Variants in PHC1 observed in about 807,000 individuals in gnomAD.
PHC1 encodes the protein polyhomeotic-like protein 1.
A neutral mutation model predicts 104.3 loss-of-function variants in PHC1; 12 were observed. The ratio of observed to expected loss-of-function variants is 0.12; its 90% CI spans 0.07 to 0.19. The LOEUF is 0.19. Among genes scored for constraint, PHC1 ranks in the 10% least tolerant of loss-of-function variants. The pLI is 1.00. For missense variants in PHC1, 671 were observed against 1,200.0 expected, an observed-to-expected ratio of 0.56 and a Z score of 6.51; for synonymous variants, 302 against 455.8, an observed-to-expected ratio of 0.66 and a Z score of 4.30.
At chr12:8,915,464 T>G (rs1031306844) in intron 1 of PHC1, among the ~76,000 whole-genome samples, 2 of 152,018 alleles carry the variant, frequency 1.3e-5, no homozygotes, top group African/African-American at 4.8e-5. Context: ...TTAGGGATAT[T>G]GACTTTCTCC....
intron 5 of PHC1, 97 bp downstream of exon 5, chr12:8,921,847 T>G: frequency 1.7e-6 from 2 of 1,207,094 alleles, no homozygotes; most frequent in African/African-American, 1.5e-5. Flanking sequence ...AGAATCTCGC[T>G]ATGTCACCCA....
At chr12:8,914,873 C>T (rs1414485347) in intron 1 of PHC1, 46 bp downstream of exon 1, 2 of 154,202 alleles carry the variant, frequency 1.3e-5, no homozygotes, top group African/African-American at 2.4e-5. Flanking sequence ...CCTCTGGGGG[C>T]TTGGCTGCGC....
In PHC1 at chr12:8,940,342, A is replaced by C. The variant is rs1945974278; in HGVS notation, c.*883A>C. On this transcript the variant is annotated 3_prime_UTR_variant, in exon 15 of 15. Transcript: ENST00000544916. ...TCTATTCCAGTCTTTGCCCACTTTCACACAAATGACAAGGCCAATATGTTT... is the reference window on the plus strand; with the variant it reads ...TCTATTCCAGTCTTTGCCCACTTTCCCACAAATGACAAGGCCAATATGTTT... 1.2e-5 allele frequency: 2 copies of C among 173,810 alleles called. No individual in the cohort carries two copies. Among genetic ancestry groups the C allele is most frequent in the East Asian group, 3.3e-4 (2 of 6,108 alleles). 10.8% of individuals were successfully genotyped at this position (173,810 alleles called of 1,614,324 possible).
chr12:8,932,208 C>T (rs780245432), intron 7 of PHC1, among the ~76,000 whole-genome samples: 2 of 152,152 alleles, frequency 1.3e-5, no homozygotes, highest in East Asian at 1.9e-4. Flanking sequence ...TGAGAAACTC[C>T]AAGTCTAATG....
chr12:8,936,956 C>T lies in PHC1; in HGVS notation c.2469C>T (p.Cys823=), dbSNP rs142710389. 6.9e-6 allele frequency: 11 copies of T among 1,605,812 alleles called. No homozygotes were observed. The highest frequency in any genetic ancestry group is 6.8e-6 in the Non-Finnish European group (8 of 1,172,954). ...CTAAGAGGTTCTGCTCCATGACTTG[C>T]GCTAAGAGGTACTCTGGGCACCCTC... ...RGSKRFCSMT[C]AKRYNVSCSH... is the part of the protein sequence containing the mutation. Residue 823 remains cysteine (C), a synonymous_variant, in exon 12 of 15, where the codon TGC becomes TGT. Transcript: ENST00000544916.
intron 14 of PHC1, 140 bp from the exon 15 acceptor site, chr12:8,939,165 T>C (rs1323227210): frequency 9.3e-7 from 1 of 1,071,824 alleles, no homozygotes. Flanking sequence ...TCATTTTGCT[T>C]TTAAAGCTTG....
At chr12:8,931,028 C>A in intron 7 of PHC1, 101 bp downstream of exon 7, 1 of 1,241,892 alleles carries the variant, frequency 8.1e-7, no homozygotes, top group Non-Finnish European at 1.1e-6. Flanking sequence ...TGTTTTTTCC[C>A]CGCTTCTGTT....
intron 4 of PHC1, 87 bp from the exon 5 acceptor site, chr12:8,921,514 A>C: frequency 1.7e-6 from 2 of 1,179,450 alleles, no homozygotes; most frequent in Non-Finnish European, 2.5e-6. Flanking sequence ...TCTGTTCTTG[A>C]CTGTGTGACT....
Position 8,923,825 on chromosome 12 carries a change from G to A in PHC1, c.612+1037G>A, listed in dbSNP as rs772287848. 6.6e-3 allele frequency among the ~76,000 whole-genome samples: 432 copies of A among 65,370 alleles called. 2 individuals are homozygous for A. The highest frequency in any genetic ancestry group is 0.017 in the African/African-American group (387 of 22,396). The allele number at this position is 65,370 out of a possible 152,430, so 42.9% of individuals were successfully genotyped here. ...AGCCTGGGCGACAGAGCGAGACTCCGTCTCAAAAAAAAAAAAAAAAAGAAA... is the reference window on the plus strand; with the variant it reads ...AGCCTGGGCGACAGAGCGAGACTCCATCTCAAAAAAAAAAAAAAAAAGAAA... On this transcript the variant is annotated intron_variant, in intron 6 of 14. Coordinates refer to ENST00000544916, the MANE Select transcript of PHC1 (RefSeq NM_004426.3).
chr12:8,920,944 C>G (rs1475086654), intron 3 of PHC1, 41 bp from the exon 4 acceptor site: 1 of 1,387,890 alleles, frequency 7.2e-7, no homozygotes, highest in African/African-American at 1.4e-5. Context: ...CTTTTTCCTT[C>G]ACTGTCTTTG....
intron 13 of PHC1, 107 bp from the exon 14 acceptor site, chr12:8,937,717 CATATG>C: frequency 1.4e-6 from 1 of 737,736 alleles, no homozygotes; most frequent in Non-Finnish European, 2.3e-6. Flanking sequence ...GCTTATTTCA[CATATG>C]ATAAGATGAG....
chr12:8,927,405 A>C (rs1273945761), intron 6 of PHC1, among the ~76,000 whole-genome samples: 1 of 152,150 alleles, frequency 6.6e-6, no homozygotes, highest in Non-Finnish European at 1.5e-5. Context: ...GTGGAGAAGA[A>C]GTGGAAGAGG....
intron 6 of PHC1, among the ~76,000 whole-genome samples, chr12:8,923,250 G>T (rs2137075647): frequency 6.6e-6 from 1 of 152,240 alleles, no homozygotes; most frequent in East Asian, 1.9e-4. Flanking sequence ...TTCTCTTCCT[G>T]TTCACTGTTT....
rs1180426885 is a variant in PHC1 at position 8,927,892 on chromosome 12, TCTTTCTTTCTTTCTTTCTTTC to T, written c.613-2542_613-2522del. On this transcript the variant is annotated intron_variant, in intron 6 of 14. Coordinates refer to ENST00000544916, the MANE Select transcript of PHC1 (RefSeq NM_004426.3). ...TTCTTTCTTTCTTTCTTTCTTTCTT[TCTTTCTTTCTTTCTTTCTTTC>T]TTTTTTTTTTTTTTTGAGACAGAGT... 8.8e-3 allele frequency among the ~76,000 whole-genome samples: 1,007 copies of T among 114,964 alleles called. 24 individuals are homozygous for T. Among genetic ancestry groups the T allele is most frequent in the African/African-American group, 0.036 (953 of 26,116 alleles). 75.4% of individuals were successfully genotyped at this position (114,964 alleles called of 152,430 possible).
chr12:8,930,936 T>C lies in PHC1; in HGVS notation c.1105+9T>C, dbSNP rs780413036. On this transcript the variant is annotated intron_variant, in intron 7 of 14. Transcript: ENST00000544916. The stretch of plus-strand genomic sequence containing the variant: ...GACACTTATTAGCTCAGGTAAATTG[T>C]CATTCCTCATGTCATTATTCTCTCA... 3 of 1,603,852 alleles carry C rather than the reference T, an allele frequency of 1.9e-6. No individual in the cohort carries two copies. Among genetic ancestry groups the C allele is most frequent in the Admixed American group, 1.7e-5 (1 of 59,278 alleles).
intron 6 of PHC1, among the ~76,000 whole-genome samples, chr12:8,923,564 C>T (rs751408814): frequency 7.0e-4 from 106 of 152,122 alleles, no homozygotes; most frequent in Admixed American, 1.8e-3. Flanking sequence ...CGCGGTGGCT[C>T]ACGCCTGTAA....
rs754811051 is a variant in PHC1, at chr12:8,917,755, A to G, written c.78A>G (p.Ile26Met). 8.2e-6 allele frequency: 13 copies of G among 1,579,072 alleles called. No homozygotes were observed. Among genetic ancestry groups the G allele is most frequent in the East Asian group, 2.4e-5 (1 of 41,310 alleles). The change falls in exon 2 of 15, where the codon ATA becomes ATG. Residue 26 changes from isoleucine to methionine, a missense_variant. This residue lies in a region of PHC1 where 237 missense variants were observed against 331.1 expected (regional missense o/e 0.72). Transcript: ENST00000544916. ...CAGGGGGCAGCTCTCGGCCCCAGATAGCTCAAATGTCACTTTATGAACGAC... is the reference window on the plus strand; with the variant it reads ...CAGGGGGCAGCTCTCGGCCCCAGATGGCTCAAATGTCACTTTATGAACGAC... ...SSSGGSSRPQ[I>M]AQMSLYERQA...
intron 6 of PHC1, among the ~76,000 whole-genome samples, chr12:8,929,986 T>C (rs1945635380): frequency 6.6e-6 from 1 of 152,190 alleles, no homozygotes; most frequent in Admixed American, 6.5e-5. Flanking sequence ...TGTACTCCTA[T>C]GGTACTGGGT....
intron 6 of PHC1, among the ~76,000 whole-genome samples, chr12:8,928,511 G>A (rs917922733): frequency 3.9e-5 from 6 of 152,008 alleles, no homozygotes; most frequent in African/African-American, 7.3e-5. Flanking sequence ...CCACAGTAAC[G>A]AGCCTTCTGA....
Sources: gnomAD v4.1 joint callset for allele counts (sites outside exome capture counted in the v4.1 genomes callset) on GRCh38, gnomAD v4.1.1 for gene constraint, gnomAD v4.1.1 regional missense constraint, MANE v1.5 for transcripts, NCBI Gene and HGNC (gene_info 2026-07-23, HGNC 2026-07-21) for gene names.